The following NELFE variants were observed in gnomAD, a reference collection of about 807,000 sequenced individuals.
NELFE encodes negative elongation factor E.
NELFE carries 26 observed loss-of-function variants against 55.5 expected under a neutral mutation model. That is an observed-to-expected ratio of 0.47 (90% CI 0.34 to 0.65). NELFE has a LOEUF of 0.65. Ranked by LOEUF, NELFE falls within the 30% of genes least tolerant of loss-of-function variation. The pLI is 0.01. For synonymous variants in NELFE, 162 were observed against 178.0 expected, an observed-to-expected ratio of 0.91 and a Z score of 0.72; for missense variants, 403 against 506.9, an observed-to-expected ratio of 0.80 and a Z score of 1.97.
At chr6:31,955,030 T>A (rs1243299392) in intron 6 of NELFE, 29 bp downstream of exon 6, 1 of 1,613,276 alleles carries the variant, frequency 6.2e-7, no homozygotes, top group African/African-American at 1.3e-5. Context: ...CTCCACCAAA[T>A]GGGCCCAGCC....
At chr6:31,955,387 C>T (rs1308284318) in intron 4 of NELFE, 94 bp from the exon 5 acceptor site, 2 of 808,568 alleles carry the variant, frequency 2.5e-6, no homozygotes, top group Non-Finnish European at 3.9e-6. Context: ...TTCTAGGTTT[C>T]CTCTGATCTT....
Position 31,956,867 on chromosome 6 carries a change from G to A in NELFE, c.146-29C>T, listed in dbSNP as rs761517468. ...GAGAGACAAGGGGAAGAGGCATTAT[G>A]TTGGCCAAGCCATGATGAAGGTCAG... On this transcript the variant is annotated intron_variant, in intron 3 of 10. Transcript: ENST00000375429. 6.8e-6 allele frequency: 11 copies of A among 1,613,060 alleles called. No homozygotes were observed. In the Middle Eastern group the frequency reaches 9.9e-4, roughly 145 times the overall value.
intron 9 of NELFE, 54 bp from the exon 10 acceptor site, chr6:31,953,885 C>T: frequency 6.7e-7 from 1 of 1,499,498 alleles, no homozygotes; most frequent in Non-Finnish European, 9.3e-7. Flanking sequence ...ACAGATAAAC[C>T]AAAGAAGTTA....
At position 31,957,023 on chromosome 6, in the gene NELFE, G is replaced by A; in HGVS notation, c.76-13C>T. The A allele has an allele frequency of 6.3e-7, 1 of 1,590,268 alleles. No individual in the cohort carries two copies. The highest frequency in any genetic ancestry group is 1.1e-5 in the South Asian group (1 of 89,386). On this transcript the variant is annotated splice_polypyrimidine_tract_variant and intron_variant, in intron 2 of 10. Coordinates refer to ENST00000375429, the MANE Select transcript of NELFE (RefSeq NM_002904.6). ...GCAATGCCTTTTTCTGGGAACAAGG[G>A]TGAGAAGAGAGAGGTAAGTGAGGGC... is the stretch of plus-strand genomic sequence containing the variant.
At position 31,952,146 on chromosome 6, in the gene NELFE, A is replaced by C; in HGVS notation, c.*155T>G. The C allele has an allele frequency of 6.7e-7, 1 of 1,492,606 alleles. No homozygotes were observed. Among genetic ancestry groups the C allele is most frequent in the South Asian group, 1.1e-5 (1 of 87,502 alleles). The allele number at this position is 1,492,606 out of a possible 1,614,324, so 92.5% of individuals were successfully genotyped here. On this transcript the variant is annotated 3_prime_UTR_variant, in exon 11 of 11. Coordinates refer to ENST00000375429, the MANE Select transcript of NELFE (RefSeq NM_002904.6). ...GAACAGGCACTGGCCATGTTGTTAC[A>C]CTGAGATCAAACCTGACAGCCGTTT... is the stretch of plus-strand genomic sequence containing the variant.
At chr6:31,955,366 C>T (rs1239127659) in intron 4 of NELFE, 73 bp from the exon 5 acceptor site, 11 of 1,018,664 alleles carry the variant, frequency 1.1e-5, no homozygotes, top group Middle Eastern at 3.1e-4. Flanking sequence ...TGTTCCTCTT[C>T]CCTCACCCTC....
rs539835067 is a variant in NELFE at position 31,954,140 on chromosome 6, A to AT, written c.888-7dup. On this transcript the variant is annotated splice_polypyrimidine_tract_variant and splice_region_variant and intron_variant, in intron 8 of 10. Coordinates refer to ENST00000375429, the MANE Select transcript of NELFE (RefSeq NM_002904.6). This position sits in a 1 kb window ranked among gnomAD's most constrained non-coding sequence, Gnocchi z 5.5. ...CATAGGTGACGAAGGCACAGCTGGG[A>AT]TAAGAGAAAACACGGTCAGTGGAGA... 337 of 1,613,992 alleles carry AT rather than the reference A, an allele frequency of 2.1e-4. 1 individual carries two copies. The highest frequency in any genetic ancestry group is 4.5e-5 in the Non-Finnish European group (53 of 1,180,028).
chr6:31,956,532 G>A (rs552050983), intron 4 of NELFE, among the ~76,000 whole-genome samples, 161 bp downstream of exon 4: 1 of 152,188 alleles, frequency 6.6e-6, no homozygotes, highest in Non-Finnish European at 1.5e-5. Context: ...GTAAAATGGA[G>A]AATTCAGGAG....
chr6:31,954,227 G>T lies in NELFE; in HGVS notation c.887+71C>A. On this transcript the variant is annotated intron_variant, in intron 8 of 10. Transcript: ENST00000375429. This position sits in a 1 kb window ranked among gnomAD's most constrained non-coding sequence, Gnocchi z 5.5. ...ATAATAGGCGGCTGCAGGGAGGGCAGCTTCTTCCCTCAGGTCTCACACCCC... is the reference window on the plus strand; with the variant it reads ...ATAATAGGCGGCTGCAGGGAGGGCATCTTCTTCCCTCAGGTCTCACACCCC... The T allele has an allele frequency of 6.2e-7, 1 of 1,609,710 alleles. No homozygotes were observed. The highest frequency in any genetic ancestry group is 1.7e-5 in the Admixed American group (1 of 59,852).
At chr6:31,953,978 C>T in intron 9 of NELFE, 102 bp downstream of exon 9, 1 of 1,417,922 alleles carries the variant, frequency 7.1e-7, no homozygotes, top group Non-Finnish European at 9.9e-7. Context: ...GAGAGGCTTT[C>T]TTTATCAAGA....
intron 9 of NELFE, 116 bp from the exon 10 acceptor site, chr6:31,953,947 G>T: frequency 7.5e-7 from 1 of 1,332,544 alleles, no homozygotes. Flanking sequence ...CTGAGAATGT[G>T]AGTTTTTCTG....
At position 31,958,364 on chromosome 6, in the gene NELFE, T is replaced by C; in HGVS notation, c.75+8A>G. 1 of 1,612,056 alleles carries C rather than the reference T, an allele frequency of 6.2e-7. No homozygotes were observed. The highest frequency in any genetic ancestry group is 1.1e-5 in the South Asian group (1 of 91,062). ...AAGGTTAGGCCATGTCCACACACAG[T>C]CCCTCACCTTTTTCTTGAGCTTGTT... On this transcript the variant is annotated splice_region_variant and intron_variant, in intron 2 of 10. Transcript: ENST00000375429.
chr6:31,958,143 C>CT (rs1772205869), intron 2 of NELFE, among the ~76,000 whole-genome samples: 1 of 152,106 alleles, frequency 6.6e-6, no homozygotes, highest in Non-Finnish European at 1.5e-5. Flanking sequence ...AGCTCTTAAG[C>CT]GGTACTAAAA....
At chr6:31,958,737 C>T (rs1381401371) in intron 1 of NELFE, 155 bp downstream of exon 1, 2 of 649,494 alleles carry the variant, frequency 3.1e-6, no homozygotes, top group Non-Finnish European at 5.7e-6. Flanking sequence ...TGGCACCCGA[C>T]CCCCCTACCC....
rs765276040 is a variant in NELFE at position 31,955,231 on chromosome 6, A to G, written c.354T>C (p.Asp118=). Residue 118 remains aspartate (D), a synonymous_variant, in exon 5 of 11, where the codon GAT becomes GAC. Transcript: ENST00000375429. ...QPFQRSISAD[D]DLQESSRRPQ... ...TAGGAGCCTTTACCTCTTGCAGGTC[A>G]TCATCAGCAGATATGCTCCTCTGGA... 3.1e-6 allele frequency: 5 copies of G among 1,608,422 alleles called. No homozygotes were observed. In the South Asian group the frequency reaches 5.5e-5, roughly 18 times the overall value.
Position 31,954,388 on chromosome 6 carries a change from A to G in NELFE, c.797T>C (p.Val266Ala), listed in dbSNP as rs1771937373. ...GGTGGGTGTCATGTCTTCTCCATAT[A>G]CATAGAGAGTATTCCCTTTCCTAGG... ...RAPRKGNTLY[V>A]YGEDMTPTLL... Residue 266 changes from valine (V) to alanine (A), a missense_variant, in exon 8 of 11, where the codon GTA becomes GCA. Transcript: ENST00000375429. The surrounding 1 kb of genome is among the most constrained non-coding windows in gnomAD (Gnocchi z 5.5). 1.2e-6 allele frequency: 2 copies of G among 1,612,622 alleles called. No homozygotes were observed. Among genetic ancestry groups the G allele is most frequent in the Non-Finnish European group, 1.7e-6 (2 of 1,179,526 alleles).
rs1261981657 is a variant in NELFE at position 31,952,358 on chromosome 6, C to T, written c.1086G>A (p.Arg362=). 6.2e-7 allele frequency: 1 copy of T among 1,614,006 alleles called. No homozygotes were observed. Among genetic ancestry groups the T allele is most frequent in the Non-Finnish European group, 8.5e-7 (1 of 1,180,020 alleles). The change falls in exon 11 of 11, where the codon AGG becomes AGA. Residue 362 remains arginine, a synonymous_variant. Coordinates refer to ENST00000375429, the MANE Select transcript of NELFE (RefSeq NM_002904.6). ...NSPKGCHRDK[R]TQIVYSDDVY... ...CGTCATCACTGTAGACAATCTGGGT[C>T]CTCTTGTCCCGGTGGCAACCCTTAG...
chr6:31,958,525 T>G (rs946476900), intron 1 of NELFE, 71 bp from the exon 2 acceptor site: 4 of 1,267,344 alleles, frequency 3.2e-6, no homozygotes, highest in Non-Finnish European at 4.6e-6. Context: ...CCGTCCACAC[T>G]GTACCCAACC....
Position 31,958,562 on chromosome 6 carries a change from G to A in NELFE, c.-8-108C>T, listed in dbSNP as rs17201459. The A allele has an allele frequency of 2.4e-3, 2,172 of 918,312 alleles. 10 individuals carry two copies. The highest frequency in any genetic ancestry group is 0.013 in the African/African-American group (801 of 61,706). The allele number at this position is 918,312 out of a possible 1,614,324, so 56.9% of individuals were successfully genotyped here. On this transcript the variant is annotated intron_variant, in intron 1 of 10. Transcript: ENST00000375429. ...CACCCCTTCAGGTCTGCCTACTCTT[G>A]TCTTTGGCTTTCCCTACCCCTTGCT... is the stretch of plus-strand genomic sequence containing the variant.
Sources: allele counts gnomAD v4.1 joint callset (sites outside exome capture counted in the v4.1 genomes callset), GRCh38; gene constraint gnomAD v4.1.1; non-coding constraint Gnocchi (gnomAD v3.1); transcripts MANE v1.5; gene names NCBI Gene and HGNC (gene_info 2026-07-23, HGNC 2026-07-21).